Variants in MAML3 observed in about 807,000 individuals in gnomAD.
MAML3 encodes the protein mastermind like transcriptional coactivator 3, also known as mastermind-like protein 3.
In MAML3, 27 loss-of-function variants were observed where a neutral mutation model predicts 101.9. The observed-to-expected ratio is 0.27, with a 90% CI of 0.20 to 0.37. The LOEUF (loss-of-function observed/expected upper bound fraction) is 0.37, where lower values mean the gene tolerates loss of function less well. Among genes scored for constraint, MAML3 ranks in the 10% least tolerant of loss-of-function variants. The pLI is 1.00. For missense variants in MAML3, 1,316 were observed against 1,444.9 expected, an observed-to-expected ratio of 0.91 and a Z score of 1.45; for synonymous variants, 501 against 555.9, an observed-to-expected ratio of 0.90 and a Z score of 1.39.
chr4:139,969,579 C>G (rs1030997407), intron 1 of MAML3, among the ~76,000 whole-genome samples: 1 of 152,066 alleles, frequency 6.6e-6, no homozygotes, highest in Admixed American at 6.6e-5. Flanking sequence ...TCCCTGACAC[C>G]ACTTCTGGCA....
At position 139,717,967 on chromosome 4, in the gene MAML3, A is replaced by ACAT. The variant is rs1728059135; in HGVS notation, c.*1353_*1355dup. On this transcript the variant is annotated 3_prime_UTR_variant, in exon 5 of 5. Coordinates refer to ENST00000509479, the MANE Select transcript of MAML3 (RefSeq NM_018717.5). ...CTACTTTGCCCATATGAAATAAACT[A>ACAT]CATCTCCTTTCTATCCAAATTTGTA... 6.6e-6 allele frequency: 1 copy of ACAT among 152,182 alleles called. No individual in the cohort carries two copies. Among genetic ancestry groups the ACAT allele is most frequent in the South Asian group, 2.1e-4 (1 of 4,834 alleles). The allele number at this position is 152,182 out of a possible 1,614,324, so 9.4% of individuals were successfully genotyped here.
intron 1 of MAML3, among the ~76,000 whole-genome samples, chr4:140,006,774 T>C (rs1379180680): frequency 6.6e-6 from 1 of 152,126 alleles, no homozygotes. Flanking sequence ...ATTGATATTC[T>C]ATAGTCGTCT....
intron 2 of MAML3, among the ~76,000 whole-genome samples, chr4:139,741,739 C>T (rs903800540): frequency 2.0e-5 from 3 of 152,064 alleles, no homozygotes; most frequent in African/African-American, 7.2e-5. Flanking sequence ...AGAGTGAGAC[C>T]CTGTCTCAAA....
chr4:140,103,747 C>T (rs939208978), intron 1 of MAML3, among the ~76,000 whole-genome samples: 2 of 152,170 alleles, frequency 1.3e-5, no homozygotes, highest in African/African-American at 4.8e-5. Flanking sequence ...ACCAAGATGA[C>T]ATCCGTGTTG....
intron 2 of MAML3, among the ~76,000 whole-genome samples, chr4:139,751,483 C>A (rs1578581007): frequency 6.6e-6 from 1 of 152,214 alleles, no homozygotes; most frequent in African/African-American, 2.4e-5. Context: ...AAAGTTTTGA[C>A]TGCATTTTGA....
At chr4:140,133,517 G>A (rs1304220058) in intron 1 of MAML3, among the ~76,000 whole-genome samples, 3 of 152,080 alleles carry the variant, frequency 2.0e-5, no homozygotes, top group Non-Finnish European at 2.9e-5. Context: ...GAATGTAAAC[G>A]AAGCACCCTA....
intron 1 of MAML3, among the ~76,000 whole-genome samples, chr4:139,913,943 A>C (rs1264235571): frequency 6.6e-6 from 1 of 152,224 alleles, no homozygotes; most frequent in African/African-American, 2.4e-5. Flanking sequence ...GTAAAAGAGG[A>C]GGAAAAGAGT....
intron 1 of MAML3, among the ~76,000 whole-genome samples, chr4:139,978,682 T>C (rs1734390998): frequency 6.7e-6 from 1 of 150,094 alleles, no homozygotes; most frequent in African/African-American, 2.4e-5. Flanking sequence ...CTTCAGGGGC[T>C]CCAATCTGGG....
chr4:139,952,286 G>A (rs1299155152), intron 1 of MAML3, among the ~76,000 whole-genome samples: 2 of 152,148 alleles, frequency 1.3e-5, no homozygotes, highest in African/African-American at 4.8e-5. Flanking sequence ...TAGATAATAG[G>A]GAAGTTATTT....
At chr4:139,862,583 T>C (rs1199790000) in intron 2 of MAML3, among the ~76,000 whole-genome samples, 2 of 152,252 alleles carry the variant, frequency 1.3e-5, no homozygotes, top group African/African-American at 4.8e-5. Flanking sequence ...ATCTTGCTGT[T>C]GACCCATTGG....
intron 1 of MAML3, among the ~76,000 whole-genome samples, chr4:140,007,986 C>T (rs1285706977): frequency 1.3e-5 from 2 of 152,198 alleles, no homozygotes; most frequent in Non-Finnish European, 2.9e-5. Context: ...ATTTGTACTG[C>T]TGAGTAAAGA....
intron 2 of MAML3, among the ~76,000 whole-genome samples, chr4:139,763,257 A>T (rs946135575): frequency 6.6e-6 from 1 of 152,190 alleles, no homozygotes; most frequent in Admixed American, 6.5e-5. Context: ...TCCTTTGTCA[A>T]GTCCCCAAAG....
chr4:139,957,158 C>T (rs1042228533), intron 1 of MAML3, among the ~76,000 whole-genome samples: 2 of 152,166 alleles, frequency 1.3e-5, no homozygotes, highest in Non-Finnish European at 2.9e-5. Flanking sequence ...AAACAGAAAA[C>T]GGAAGGAAAA....
At chr4:139,729,847 T>C (rs1424473204) in intron 3 of MAML3, among the ~76,000 whole-genome samples, 1 of 152,218 alleles carries the variant, frequency 6.6e-6, no homozygotes, top group East Asian at 1.9e-4. Flanking sequence ...CCTGAGCTGT[T>C]TTAAAAGCTG....
intron 2 of MAML3, among the ~76,000 whole-genome samples, chr4:139,770,712 G>T (rs1289289328): frequency 6.6e-6 from 1 of 152,196 alleles, no homozygotes; most frequent in African/African-American, 2.4e-5. Flanking sequence ...TAGCTCAGTA[G>T]CCCTCAGCCC....
intron 2 of MAML3, among the ~76,000 whole-genome samples, chr4:139,767,738 A>G (rs986872110): frequency 2.6e-5 from 4 of 152,258 alleles, no homozygotes; most frequent in Non-Finnish European, 4.4e-5. Flanking sequence ...CAAGTTAGCC[A>G]TAGATTAGCA....
chr4:140,000,298 T>C (rs978698033), intron 1 of MAML3, among the ~76,000 whole-genome samples: 4 of 151,566 alleles, frequency 2.6e-5, no homozygotes, highest in Admixed American at 2.0e-4. Flanking sequence ...AGCAAAGCAG[T>C]AGAAGATCCA....
intron 1 of MAML3, among the ~76,000 whole-genome samples, chr4:139,944,599 C>T (rs1733671480): frequency 6.6e-6 from 1 of 151,460 alleles, no homozygotes; most frequent in Non-Finnish European, 1.5e-5. Flanking sequence ...AACAAATTTA[C>T]AAGAAAAAAA....
intron 2 of MAML3, among the ~76,000 whole-genome samples, chr4:139,835,559 C>T (rs1313773556): frequency 6.6e-6 from 1 of 152,166 alleles, no homozygotes; most frequent in Non-Finnish European, 1.5e-5. Context: ...TAATACTATA[C>T]AGACTGGAAA....
Sources: allele counts gnomAD v4.1 joint callset (sites outside exome capture counted in the v4.1 genomes callset), GRCh38; gene constraint gnomAD v4.1.1; transcripts MANE v1.5; gene names NCBI Gene and HGNC (gene_info 2026-07-23, HGNC 2026-07-21).